Variants in FYB2 observed in about 807,000 individuals in gnomAD.
FYB2 encodes FYN-binding protein 2.
In FYB2, 103 loss-of-function variants were observed where a neutral mutation model predicts 94.1. That is an observed-to-expected ratio of 1.09 (90% CI 0.93 to 1.29). FYB2 has a LOEUF of 1.29. Among genes scored for constraint, FYB2 ranks in the 50% most tolerant of loss-of-function variants. FYB2 has a pLI of 0.00. For synonymous variants in FYB2, 293 were observed against 287.9 expected (o/e 1.02, Z -0.18); for missense variants, 896 against 841.5 (o/e 1.06, Z -0.80).
rs11415687 is a variant in FYB2, at chr1:56,816,863, CTT to C, written c.9+2417_9+2418del. On this transcript the variant is annotated intron_variant, in intron 1 of 19. Coordinates refer to ENST00000343433, the MANE Select transcript of FYB2 (RefSeq NM_001004303.5). ...ACAAGTTGGAGTCATCAACAATTTT[CTT>C]TTTTTTTTTTTTGTCTAATCCATTA... Among the ~76,000 whole-genome samples the C allele has an allele frequency of 8.0e-3, 1,118 of 140,114 alleles. 3 individuals carry two copies. The highest frequency in any genetic ancestry group is 0.011 in the Middle Eastern group (3 of 274). 91.9% of individuals were successfully genotyped at this position (140,114 alleles called of 152,430 possible). A position where few individuals can be genotyped will look rare whatever the true frequency, so the allele number is the denominator to read the frequency against.
chr1:56,794,967 T>TTATATATA (rs1447402153), intron 1 of FYB2, among the ~76,000 whole-genome samples: 3 of 151,944 alleles, frequency 2.0e-5, no homozygotes, highest in African/African-American at 2.4e-5. Context: ...TAAATATTTT[T>TTATATATA]TATATTGTGG....
chr1:56,734,239 T>A (rs953726823), intron 15 of FYB2, among the ~76,000 whole-genome samples: 1 of 152,154 alleles, frequency 6.6e-6, no homozygotes, highest in African/African-American at 2.4e-5. Context: ...TTGCAACCCC[T>A]GCTTTTTTTG....
intron 1 of FYB2, 129 bp from the exon 2 acceptor site, chr1:56,792,932 A>G (rs1174282406): frequency 1.0e-6 from 1 of 961,738 alleles, no homozygotes; most frequent in Non-Finnish European, 1.5e-6. Context: ...TCACCATGTT[A>G]AGGGACTCTA....
chr1:56,788,895 C>T, intron 3 of FYB2, 78 bp downstream of exon 3: 3 of 1,556,808 alleles, frequency 1.9e-6, no homozygotes, highest in Non-Finnish European at 2.7e-6. Context: ...GCAGCAGCGG[C>T]ATCGTCACCT....
chr1:56,815,746 A>G (rs1381236329), intron 1 of FYB2, among the ~76,000 whole-genome samples: 1 of 152,188 alleles, frequency 6.6e-6, no homozygotes, highest in Non-Finnish European at 1.5e-5. Flanking sequence ...ATCACTTATA[A>G]GAGGCAAAAG....
intron 1 of FYB2, among the ~76,000 whole-genome samples, chr1:56,802,244 T>A (rs1395855019): frequency 6.6e-6 from 1 of 152,184 alleles, no homozygotes; most frequent in Non-Finnish European, 1.5e-5. Context: ...CTGGTCTGCC[T>A]CTCCCACTAA....
intron 6 of FYB2, 135 bp from the exon 7 acceptor site, chr1:56,756,062 G>T (rs1337314460): frequency 1.4e-6 from 1 of 703,072 alleles, no homozygotes; most frequent in Admixed American, 3.0e-5. Flanking sequence ...GGCAGACACT[G>T]ACCACAGAAA....
intron 4 of FYB2, among the ~76,000 whole-genome samples, chr1:56,777,714 T>C (rs1238777209): frequency 1.3e-5 from 2 of 152,114 alleles, no homozygotes; most frequent in Admixed American, 6.6e-5. Flanking sequence ...CCATAGTTCT[T>C]GAACACATGA....
At chr1:56,772,862 G>A (rs779234675) in intron 4 of FYB2, among the ~76,000 whole-genome samples, 2 of 152,184 alleles carry the variant, frequency 1.3e-5, no homozygotes, top group African/African-American at 4.8e-5. Context: ...TAGTGTATTA[G>A]AGGACAGAAA....
chr1:56,814,571 T>G (rs1163979568), intron 1 of FYB2, among the ~76,000 whole-genome samples: 1 of 152,166 alleles, frequency 6.6e-6, no homozygotes, highest in African/African-American at 2.4e-5. Context: ...AGGTGCAGCA[T>G]CTCAGCAAAG....
At chr1:56,723,896 A>G (rs952673306) in intron 16 of FYB2, among the ~76,000 whole-genome samples, 2 of 152,026 alleles carry the variant, frequency 1.3e-5, no homozygotes, top group Non-Finnish European at 2.9e-5. Flanking sequence ...ATATATTTCC[A>G]TTAGAGCAAA....
Position 56,758,702 on chromosome 1 carries a change from A to G in FYB2, c.1098+14T>C, listed in dbSNP as rs368552320. On this transcript the variant is annotated intron_variant, in intron 6 of 19. Coordinates refer to ENST00000343433, the MANE Select transcript of FYB2 (RefSeq NM_001004303.5). ...TTTACTTTTAGTTACAATGTTGGTA[A>G]GGAGAAACAATACCTTTTGGAGTTC... 1.1e-5 allele frequency: 17 copies of G among 1,577,980 alleles called. No homozygotes were observed. The highest frequency in any genetic ancestry group is 4.3e-6 in the Non-Finnish European group (5 of 1,157,188).
chr1:56,771,215 C>A (rs1645746422), intron 4 of FYB2, among the ~76,000 whole-genome samples: 1 of 152,060 alleles, frequency 6.6e-6, no homozygotes, highest in Non-Finnish European at 1.5e-5. Context: ...TTACAACAAT[C>A]TGCATGTTCC....
chr1:56,779,544 T>C lies in FYB2; in HGVS notation c.953+7631A>G, dbSNP rs369669688. 3.3e-5 allele frequency among the ~76,000 whole-genome samples: 5 copies of C among 152,300 alleles called. No individual in the cohort carries two copies. In the East Asian group the frequency reaches 5.8e-4, roughly 18 times the overall value. On this transcript the variant is annotated intron_variant, in intron 4 of 19. Transcript: ENST00000343433. ...AGTTAGCTTTAATATTCGAGGGATATAATATTGGACATGCAAACCAAGGCA... is the reference window on the plus strand; with the variant it reads ...AGTTAGCTTTAATATTCGAGGGATACAATATTGGACATGCAAACCAAGGCA...
intron 1 of FYB2, among the ~76,000 whole-genome samples, chr1:56,802,614 G>A (rs893970005): frequency 1.3e-5 from 2 of 152,138 alleles, no homozygotes; most frequent in Non-Finnish European, 2.9e-5. Context: ...ATTGAGTTGA[G>A]CAGAAGAAAG....
intron 5 of FYB2, among the ~76,000 whole-genome samples, chr1:56,764,933 A>C (rs1645586405): frequency 6.6e-6 from 1 of 152,194 alleles, no homozygotes; most frequent in African/African-American, 2.4e-5. Context: ...TTGTAAAGAC[A>C]CTAATCCCAT....
At chr1:56,824,689 A>G (rs1001841466), upstream of FYB2, 3 of 152,272 alleles carry the variant, frequency 2.0e-5, no homozygotes, top group African/African-American at 7.2e-5. Context: ...ACCCTTTGTC[A>G]TCCTGAAAGC....
the FYB2 span, chr1:56,825,219 A>T: frequency 6.6e-6 from 1 of 152,246 alleles, no homozygotes; most frequent in Non-Finnish European, 1.5e-5. Flanking sequence ...GGCAGGGCAC[A>T]TAATGAGTCT....
At chr1:56,768,017 G>A in intron 4 of FYB2, 79 bp from the exon 5 acceptor site, 1 of 1,118,978 alleles carries the variant, frequency 8.9e-7, no homozygotes, top group Non-Finnish European at 1.3e-6. Flanking sequence ...TTCCTCATTA[G>A]AGAAATAATA....
Sources: allele counts gnomAD v4.1 joint callset (sites outside exome capture counted in the v4.1 genomes callset), GRCh38; gene constraint gnomAD v4.1.1; transcripts MANE v1.5; gene names NCBI Gene and HGNC (gene_info 2026-07-23, HGNC 2026-07-21).